NFIA: variants seen among roughly 807,000 people sequenced by gnomAD.
NFIA encodes nuclear factor I A, also known as nuclear factor 1 A-type.
A neutral mutation model predicts 62.8 loss-of-function variants in NFIA; 8 were observed. The observed-to-expected ratio is 0.13, with a 90% CI of 0.07 to 0.23. The LOEUF (loss-of-function observed/expected upper bound fraction) is 0.23, where lower values mean the gene tolerates loss of function less well. NFIA is among the 10% of genes least tolerant of loss of function. The pLI is 1.00. For missense variants in NFIA, 410 were observed against 642.1 expected (o/e 0.64, Z 3.91); for synonymous variants, 235 against 238.1 (o/e 0.99, Z 0.12).
Position 61,088,783 on chromosome 1 carries a change from C to G in NFIA, c.559+103C>G. 7.6e-7 allele frequency: 1 copy of G among 1,318,392 alleles called. No homozygotes were observed. The highest frequency in any genetic ancestry group is 1.0e-6 in the Non-Finnish European group (1 of 967,816). The allele number at this position is 1,318,392 out of a possible 1,614,324, so 81.7% of individuals were successfully genotyped here. ...CTTCCTGAGCTCCCCAAGTTGCAGG[C>G]CACGTACATGAAGCCAGTGTGGTTT... On this transcript the variant is annotated intron_variant, in intron 2 of 10. Coordinates refer to ENST00000403491, the MANE Select transcript of NFIA (RefSeq NM_001134673.4). The surrounding 1 kb of genome is among the most constrained non-coding windows in gnomAD (Gnocchi z 4.5).
chr1:61,302,341 G>A (rs1046182896), intron 3 of NFIA, among the ~76,000 whole-genome samples: 1 of 152,122 alleles, frequency 6.6e-6, no homozygotes, highest in Non-Finnish European at 1.5e-5. Context: ...TCTCCAAATA[G>A]CTAATTCATA....
At chr1:61,146,830 T>C (rs550002961) in intron 2 of NFIA, among the ~76,000 whole-genome samples, 7 of 33,560 alleles carry the variant, frequency 2.1e-4, no homozygotes, top group Non-Finnish European at 4.9e-4. Context: ...TCATCTTTCA[T>C]AGTTTTTTTT....
At chr1:61,386,162 C>A (rs1664673555) in intron 7 of NFIA, among the ~76,000 whole-genome samples, 1 of 152,106 alleles carries the variant, frequency 6.6e-6, no homozygotes, top group Non-Finnish European at 1.5e-5. Context: ...AAAGCTAATG[C>A]TTGGAATGAT....
At chr1:61,163,551 T>C (rs1370743031) in intron 2 of NFIA, among the ~76,000 whole-genome samples, 5 of 152,182 alleles carry the variant, frequency 3.3e-5, no homozygotes, top group African/African-American at 4.8e-5. Flanking sequence ...CACCATGATA[T>C]TGTTTTTAGA....
intron 2 of NFIA, among the ~76,000 whole-genome samples, chr1:61,148,593 T>G (rs1465104319): frequency 6.6e-6 from 1 of 152,206 alleles, no homozygotes; most frequent in Non-Finnish European, 1.5e-5. Context: ...CTGAAGCTTC[T>G]TTTCAGGAGA....
At chr1:61,144,551 T>G (rs1200983392) in intron 2 of NFIA, among the ~76,000 whole-genome samples, 1 of 152,204 alleles carries the variant, frequency 6.6e-6, no homozygotes, top group Non-Finnish European at 1.5e-5. Context: ...TACATGTACC[T>G]GAATTCAGAT....
intron 2 of NFIA, among the ~76,000 whole-genome samples, chr1:61,256,165 C>A (rs570010310): frequency 6.6e-6 from 1 of 152,194 alleles, no homozygotes; most frequent in South Asian, 2.1e-4. Flanking sequence ...TGGTGGCTCA[C>A]GCCTGTAATC....
intron 2 of NFIA, among the ~76,000 whole-genome samples, chr1:61,110,829 A>G (rs1278472637): frequency 1.3e-5 from 2 of 152,122 alleles, no homozygotes; most frequent in Admixed American, 1.3e-4. Flanking sequence ...TGCCAAGATT[A>G]AAATTGGCAA....
At position 61,097,285 on chromosome 1, in the gene NFIA, C is replaced by G. The variant is rs1646433204; in HGVS notation, c.559+8605C>G. ...TGAGTTTCCAGACATAGACAGTTCT[C>G]AGAGCATGTGTATTCATATAAATTT... is the stretch of plus-strand genomic sequence containing the variant. On this transcript the variant is annotated intron_variant, in intron 2 of 10. Transcript: ENST00000403491. Among the ~76,000 whole-genome samples the G allele has an allele frequency of 2.0e-5, 3 of 152,070 alleles. No individual in the cohort carries two copies. In the South Asian group the frequency reaches 6.2e-4, roughly 31 times the overall value.
At chr1:61,168,261 G>A (rs1181377175) in intron 2 of NFIA, among the ~76,000 whole-genome samples, 2 of 152,154 alleles carry the variant, frequency 1.3e-5, no homozygotes, top group Non-Finnish European at 2.9e-5. Flanking sequence ...TGCTTCTGTG[G>A]AAGTGCAAGC....
At chr1:61,081,688 C>G (rs1208071249), upstream of NFIA, 6 of 556,960 alleles carry the variant, frequency 1.1e-5, no homozygotes, top group Admixed American at 1.6e-4. Context: ...TCTCCGCCTT[C>G]TTTTCTCCAG....
chr1:61,183,825 G>A (rs966441365), intron 2 of NFIA, among the ~76,000 whole-genome samples: 1 of 151,864 alleles, frequency 6.6e-6, no homozygotes, highest in Non-Finnish European at 1.5e-5. Flanking sequence ...CCTTTCCACC[G>A]TGACATGGTA....
At chr1:61,184,550 G>A (rs1651019148) in intron 2 of NFIA, among the ~76,000 whole-genome samples, 1 of 152,252 alleles carries the variant, frequency 6.6e-6, no homozygotes, top group East Asian at 1.9e-4. Context: ...CTTGGCCAGA[G>A]GCCAAGGGTA....
intron 2 of NFIA, among the ~76,000 whole-genome samples, chr1:61,239,107 T>A (rs1570434107): frequency 6.6e-6 from 1 of 152,208 alleles, no homozygotes; most frequent in South Asian, 2.1e-4. Context: ...CTCAGTTATA[T>A]CCTGTTCAGG....
chr1:61,189,644 G>A lies in NFIA; in HGVS notation c.560-87876G>A, dbSNP rs148580426. ...CGGGCCACTGCACTCCAGCCTGGGC[G>A]ACAGAGCAAGACTCCATCTCAAAAA... On this transcript the variant is annotated intron_variant, in intron 2 of 10. Transcript: ENST00000403491. Among the ~76,000 whole-genome samples the A allele has an allele frequency of 1.0e-2, 1,519 of 152,230 alleles. 17 individuals carry two copies. The highest frequency in any genetic ancestry group is 0.061 in the Middle Eastern group (18 of 294).
At chr1:61,414,541 G>GTTT (rs34699827) in intron 9 of NFIA, among the ~76,000 whole-genome samples, 14 of 146,746 alleles carry the variant, frequency 9.5e-5, no homozygotes, top group Admixed American at 2.0e-4. Flanking sequence ...TTTTTGTTTT[G>GTTT]TTTTTTTTTT....
At chr1:61,120,212 T>C (rs555565212) in intron 2 of NFIA, among the ~76,000 whole-genome samples, 30 of 152,346 alleles carry the variant, frequency 2.0e-4, no homozygotes, top group South Asian at 2.1e-4. Context: ...ATTAACTTAA[T>C]TGTAGAGTTT....
chr1:61,406,543 G>GGGCCCCC lies in NFIA; in HGVS notation c.1255-19_1255-18insGGCCCCC. 8 of 876,642 alleles carry GGGCCCCC rather than the reference G, an allele frequency of 9.1e-6. No homozygotes were observed. The highest frequency in any genetic ancestry group is 1.2e-5 in the Non-Finnish European group (8 of 653,734). The allele number at this position is 876,642 out of a possible 1,614,324, so 54.3% of individuals were successfully genotyped here. On this transcript the variant is annotated intron_variant, in intron 8 of 10. Transcript: ENST00000403491. The stretch of plus-strand genomic sequence containing the variant: ...TCTTTTTCTTGTACGTGTGTTTTCT[G>GGGCCCCC]CCCCCCCCCCCCCCACAGCCCAATG...
intron 2 of NFIA, among the ~76,000 whole-genome samples, chr1:61,225,735 AT>A (rs1654295022): frequency 6.6e-6 from 1 of 151,982 alleles, no homozygotes. Flanking sequence ...TACCTAAGAG[AT>A]TTTAGATTTG....
Sources: gnomAD v4.1 joint callset for allele counts (sites outside exome capture counted in the v4.1 genomes callset) on GRCh38, gnomAD v4.1.1 for gene constraint, Gnocchi (gnomAD v3.1) non-coding constraint, MANE v1.5 for transcripts, NCBI Gene and HGNC (gene_info 2026-07-23, HGNC 2026-07-21) for gene names.